INSYN2A: variants seen among roughly 807,000 people sequenced by gnomAD.
INSYN2A encodes the protein inhibitory synaptic factor 2A.
Under a neutral mutation model 39.4 loss-of-function variants are expected in INSYN2A, and 17 were observed. The observed-to-expected ratio is 0.43, with a 90% CI of 0.30 to 0.65. The LOEUF (loss-of-function observed/expected upper bound fraction) is 0.65, where lower values mean the gene tolerates loss of function less well. Among genes scored for constraint, INSYN2A ranks in the 30% least tolerant of loss-of-function variants. The pLI, the probability that INSYN2A is intolerant of heterozygous loss-of-function variation, is 0.14. For synonymous variants in INSYN2A, 255 were observed against 265.7 expected (o/e 0.96, Z 0.39); for missense variants, 595 against 631.2 (o/e 0.94, Z 0.61).
At chr10:127,144,111 C>T (rs935041796) in intron 5 of INSYN2A, among the ~76,000 whole-genome samples, 2 of 152,168 alleles carry the variant, frequency 1.3e-5, no homozygotes, top group African/African-American at 4.8e-5. Flanking sequence ...TCCAGAACTC[C>T]AGCAGTTTCC....
intron 2 of INSYN2A, among the ~76,000 whole-genome samples, chr10:127,189,219 T>C (rs1452575494): frequency 6.6e-6 from 1 of 152,258 alleles, no homozygotes; most frequent in Non-Finnish European, 1.5e-5. Context: ...ACTTTAAAGC[T>C]GCATTTGCTA....
intron 2 of INSYN2A, among the ~76,000 whole-genome samples, chr10:127,179,867 A>G (rs570329527): frequency 6.6e-6 from 1 of 152,322 alleles, no homozygotes; most frequent in East Asian, 1.9e-4. Flanking sequence ...TGCTAATCAA[A>G]TGTCACCATT....
In INSYN2A at chr10:127,151,692, C is replaced by T. The variant is rs549144989; in HGVS notation, c.1256+2160G>A. 4.0e-3 allele frequency among the ~76,000 whole-genome samples: 612 copies of T among 152,296 alleles called. 1 individual carries two copies. Among genetic ancestry groups the T allele is most frequent in the Admixed American group, 7.2e-3 (110 of 15,302 alleles). On this transcript the variant is annotated intron_variant, in intron 5 of 5. Coordinates refer to ENST00000522781, the MANE Select transcript of INSYN2A (RefSeq NM_001039762.3). ...GATGAGTAGTCATGCATTTTCCCTGCTCGTATGAGATAACCAGAGCGATCA... is the reference window on the plus strand; with the variant it reads ...GATGAGTAGTCATGCATTTTCCCTGTTCGTATGAGATAACCAGAGCGATCA...
intron 4 of INSYN2A, among the ~76,000 whole-genome samples, chr10:127,161,584 T>G (rs2133675670): frequency 6.6e-6 from 1 of 152,366 alleles, no homozygotes; most frequent in African/African-American, 2.4e-5. Flanking sequence ...ACTGCCTCTG[T>G]TCTCCCCTGC....
intron 5 of INSYN2A, among the ~76,000 whole-genome samples, chr10:127,142,233 C>T (rs1428371220): frequency 6.6e-6 from 1 of 152,202 alleles, no homozygotes; most frequent in East Asian, 1.9e-4. Context: ...TGCAGGGGCT[C>T]ATTCTACAGC....
At chr10:127,145,891 G>T (rs746685449) in intron 5 of INSYN2A, 1 of 442,188 alleles carries the variant, frequency 2.3e-6, no homozygotes, top group East Asian at 6.4e-5. Flanking sequence ...ACCAGTGACC[G>T]GTCTAAACGT....
At chr10:127,154,181 G>A (rs1030154428) in intron 4 of INSYN2A, among the ~76,000 whole-genome samples, 22 of 152,122 alleles carry the variant, frequency 1.4e-4, no homozygotes, top group African/African-American at 4.3e-4. Flanking sequence ...ATATGATTTC[G>A]TTATAAGCAC....
intron 5 of INSYN2A, among the ~76,000 whole-genome samples, chr10:127,147,894 G>A (rs191917724): frequency 2.4e-4 from 37 of 151,836 alleles, no homozygotes; most frequent in African/African-American, 8.7e-4. Flanking sequence ...AGCCAGGATT[G>A]GCGGTGCGCG....
chr10:127,196,011 A>T lies in INSYN2A; in HGVS notation c.-409T>A, dbSNP rs933341794. 6.6e-6 allele frequency: 1 copy of T among 151,974 alleles called. No homozygotes were observed. Among genetic ancestry groups the T allele is most frequent in the African/African-American group, 2.4e-5 (1 of 41,354 alleles). 9.4% of individuals were successfully genotyped at this position (151,974 alleles called of 1,614,324 possible). A position where few individuals can be genotyped will look rare whatever the true frequency, so the allele number is the denominator to read the frequency against. On this transcript the variant is annotated 5_prime_UTR_variant, in exon 1 of 6. Coordinates refer to ENST00000522781, the MANE Select transcript of INSYN2A (RefSeq NM_001039762.3). ...GCTCCGCTTACCTTCCGCTGCTTAC[A>T]GATAAGTCGAGGTCGATGCAGCGCC...
intron 5 of INSYN2A, among the ~76,000 whole-genome samples, chr10:127,141,438 C>T (rs997640030): frequency 6.6e-6 from 1 of 152,120 alleles, no homozygotes; most frequent in African/African-American, 2.4e-5. Context: ...CACGGTGGCT[C>T]ATGCCTGTAA....
intron 4 of INSYN2A, among the ~76,000 whole-genome samples, chr10:127,154,611 A>T (rs1190442069): frequency 6.6e-6 from 1 of 152,230 alleles, no homozygotes; most frequent in African/African-American, 2.4e-5. Context: ...TTTAGAGAAG[A>T]AAATGCCAAG....
rs1001691575 is a variant in INSYN2A at position 127,137,500 on chromosome 10, G to T, written c.*337C>A. On this transcript the variant is annotated 3_prime_UTR_variant, in exon 6 of 6. Transcript: ENST00000522781. ...AATTATGAGTTATAGCTGTGTACAG[G>T]GTGACAGCCTGCCATCTCGCAGGTT... is the stretch of plus-strand genomic sequence containing the variant. 2.7e-4 allele frequency: 61 copies of T among 227,842 alleles called. No homozygotes were observed. The highest frequency in any genetic ancestry group is 1.0e-4 in the Non-Finnish European group (12 of 117,410). 14.1% of individuals were successfully genotyped at this position (227,842 alleles called of 1,614,324 possible).
intron 2 of INSYN2A, among the ~76,000 whole-genome samples, chr10:127,179,273 A>G (rs1323926023): frequency 6.6e-6 from 1 of 152,208 alleles, no homozygotes; most frequent in Non-Finnish European, 1.5e-5. Flanking sequence ...AACAAATCAG[A>G]AGAATTAATT....
intron 5 of INSYN2A, among the ~76,000 whole-genome samples, chr10:127,151,585 C>T (rs961597504): frequency 2.6e-5 from 4 of 152,156 alleles, no homozygotes; most frequent in Non-Finnish European, 5.9e-5. Flanking sequence ...TGCAGGCTAC[C>T]GAGGGCCACA....
At position 127,137,024 on chromosome 10, in the gene INSYN2A, T is replaced by C. The variant is rs1196004925; in HGVS notation, c.*813A>G. ...CTCAGATTCTTGCCAGAATGTATTA[T>C]TTGGCCTTTGGGTACCAAAAGATTA... On this transcript the variant is annotated 3_prime_UTR_variant, in exon 6 of 6. Coordinates refer to ENST00000522781, the MANE Select transcript of INSYN2A (RefSeq NM_001039762.3). 6.6e-6 allele frequency: 1 copy of C among 152,656 alleles called. No homozygotes were observed. The highest frequency in any genetic ancestry group is 6.5e-5 in the Admixed American group (1 of 15,282). The allele number at this position is 152,656 out of a possible 1,614,324, so 9.5% of individuals were successfully genotyped here. A position where few individuals can be genotyped will look rare whatever the true frequency, so the allele number is the denominator to read the frequency against.
intron 5 of INSYN2A, among the ~76,000 whole-genome samples, chr10:127,143,050 C>A (rs555844810): frequency 6.6e-6 from 1 of 152,178 alleles, no homozygotes; most frequent in African/African-American, 2.4e-5. Context: ...TTTTGCAGAG[C>A]GGCATCCTTC....
chr10:127,169,817 C>A (rs767199228), intron 4 of INSYN2A, among the ~76,000 whole-genome samples: 2 of 152,114 alleles, frequency 1.3e-5, no homozygotes, highest in African/African-American at 2.4e-5. Flanking sequence ...GTGCACATGA[C>A]CTTCCATTAC....
intron 5 of INSYN2A, among the ~76,000 whole-genome samples, chr10:127,149,316 C>T (rs946993142): frequency 4.6e-5 from 7 of 152,182 alleles, no homozygotes; most frequent in African/African-American, 1.4e-4. Context: ...CAGGCTCTCA[C>T]GGGCTGATGT....
rs988162005 is a variant in INSYN2A at position 127,166,785 on chromosome 10, T to A, written c.1184+8427A>T. Among the ~76,000 whole-genome samples the A allele has an allele frequency of 5.9e-5, 9 of 152,252 alleles. No individual in the cohort carries two copies. In the South Asian group the frequency reaches 6.2e-4, roughly 11 times the overall value. On this transcript the variant is annotated intron_variant, in intron 4 of 5. Coordinates refer to ENST00000522781, the MANE Select transcript of INSYN2A (RefSeq NM_001039762.3). ...TAGAACTTGCATTTCATTTTTTTTT[T>A]AAATCCAAATTCTGGGACACAAATC...
Sources: gnomAD v4.1 joint callset for allele counts (sites outside exome capture counted in the v4.1 genomes callset) on GRCh38, gnomAD v4.1.1 for gene constraint, MANE v1.5 for transcripts, NCBI Gene and HGNC (gene_info 2026-07-23, HGNC 2026-07-21) for gene names.